Variants in DNAAF1 observed in about 807,000 individuals in gnomAD.
DNAAF1 encodes the protein dynein axonemal assembly factor 1, also known as dynein assembly factor 1, axonemal.
DNAAF1 carries 65 observed loss-of-function variants against 71.1 expected under a neutral mutation model. The ratio of observed to expected loss-of-function variants is 0.91; its 90% CI spans 0.75 to 1.12. The LOEUF (loss-of-function observed/expected upper bound fraction) is 1.12, where lower values mean the gene tolerates loss of function less well. DNAAF1 is among the 50% of genes most tolerant of loss of function. The pLI is 0.00. For synonymous variants in DNAAF1, 414 were observed against 354.6 expected (o/e 1.17, Z -1.88); for missense variants, 1,178 against 899.8 (o/e 1.31, Z -3.96).
intron 3 of DNAAF1, among the ~76,000 whole-genome samples, chr16:84,154,251 A>C (rs1429168066): frequency 6.6e-6 from 1 of 152,150 alleles, no homozygotes; most frequent in Non-Finnish European, 1.5e-5. Context: ...CTACTGGCAG[A>C]TTTGGTGACT....
chr16:84,156,163 A>C (rs117668498), intron 5 of DNAAF1, among the ~76,000 whole-genome samples: 4,956 of 152,068 alleles, frequency 0.033, 128 homozygotes, highest in Middle Eastern at 0.092. Flanking sequence ...GGGTTTCATC[A>C]TGTTGTCCAG....
At position 84,149,080 on chromosome 16, in the gene DNAAF1, T is replaced by G; in HGVS notation, c.198T>G (p.Gly66=). The change falls in exon 2 of 12, where the codon GGT becomes GGG. Residue 66 remains glycine (G), a synonymous_variant. Transcript: ENST00000378553. ...TSYHSQQKQS[G]DNGSGGHFAH... ...ACCACAGCCAGCAGAAACAGAGTGG[T>G]GATAATGGGTCAGGTGGTCACTTCG... The G allele has an allele frequency of 6.2e-7, 1 of 1,614,100 alleles. No individual in the cohort carries two copies. Among genetic ancestry groups the G allele is most frequent in the Non-Finnish European group, 8.5e-7 (1 of 1,180,032 alleles).
intron 4 of DNAAF1, among the ~76,000 whole-genome samples, chr16:84,155,001 C>T (rs551022783): frequency 2.6e-4 from 39 of 151,672 alleles, no homozygotes; most frequent in Non-Finnish European, 5.3e-4. Flanking sequence ...CTCTGCCTCC[C>T]GGGTTCATGC....
intron 9 of DNAAF1, chr16:84,172,882 G>C: frequency 9.9e-7 from 1 of 1,011,848 alleles, no homozygotes; most frequent in Non-Finnish European, 1.2e-6. Context: ...ATCCCCTTGA[G>C]TGAATGTTTG....
chr16:84,175,740 A>G, intron 10 of DNAAF1, 193 bp from the exon 11 acceptor site: 1 of 655,630 alleles, frequency 1.5e-6, no homozygotes, highest in Non-Finnish European at 2.7e-6. Context: ...AAGGGCATAG[A>G]CATGAGCTGT....
intron 1 of DNAAF1, 96 bp from the exon 2 acceptor site, chr16:84,148,911 A>C: frequency 7.2e-6 from 10 of 1,397,872 alleles, no homozygotes; most frequent in Non-Finnish European, 1.0e-5. Flanking sequence ...CTGGTGTTCT[A>C]TACTAAAAGT....
intron 1 of DNAAF1, among the ~76,000 whole-genome samples, chr16:84,146,395 AC>A (rs1317383373): frequency 1.3e-5 from 2 of 152,016 alleles, no homozygotes; most frequent in East Asian, 3.9e-4. Flanking sequence ...TGATCCCCTC[AC>A]CAAAGTTTGC....
chr16:84,159,713 G>C lies in DNAAF1; in HGVS notation c.780G>C (p.Gln260His), dbSNP rs112051327. ...TGATGGGAAACCCGGTTATCAGACA[G>C]ATTCCTAATTACAGAAGGACAGTCA... ...LNLMGNPVIR[Q>H]IPNYRRTVTV... The change falls in exon 6 of 12, where the codon CAG becomes CAC. Residue 260 changes from glutamine to histidine, a missense_variant. Coordinates refer to ENST00000378553, the MANE Select transcript of DNAAF1 (RefSeq NM_178452.6). The C allele has an allele frequency of 2.2e-3, 3,579 of 1,613,980 alleles. 74 individuals carry two copies. The African/African-American group carries it at 0.042, about 19-fold the overall frequency.
intron 3 of DNAAF1, among the ~76,000 whole-genome samples, chr16:84,153,839 G>A (rs1404751553): frequency 1.3e-5 from 2 of 152,130 alleles, no homozygotes; most frequent in African/African-American, 2.4e-5. Context: ...CATTTTCAAG[G>A]CAGGGTTACC....
At position 84,155,822 on chromosome 16, in the gene DNAAF1, G is replaced by C. The variant is rs1301534642; in HGVS notation, c.741+73G>C. 8 of 1,563,140 alleles carry C rather than the reference G, an allele frequency of 5.1e-6. No homozygotes were observed. The East Asian group carries it at 6.8e-5, about 13-fold the overall frequency. ...TTCTATTATTTTCATCAAATATCAA[G>C]TCCTTTTGTCTTTTCTCTCCTTCCT... On this transcript the variant is annotated intron_variant, in intron 5 of 11. Transcript: ENST00000378553.
At chr16:84,173,186 A>G (rs2088457563) in intron 9 of DNAAF1, 5 of 985,556 alleles carry the variant, frequency 5.1e-6, no homozygotes, top group Non-Finnish European at 6.0e-6. Flanking sequence ...GTGATCGGCC[A>G]GGCATGGTGG....
intron 9 of DNAAF1, 54 bp from the exon 10 acceptor site, chr16:84,174,615 A>G: frequency 1.9e-6 from 3 of 1,613,960 alleles, no homozygotes; most frequent in Non-Finnish European, 2.5e-6. Context: ...GCCTATCAGA[A>G]CGTTGACAGT....
In DNAAF1 at chr16:84,171,266, C is replaced by T. The variant is rs369370274; in HGVS notation, c.1528+910C>T. The stretch of plus-strand genomic sequence containing the variant: ...GCCTGGCCAACATAGTGAGAAGCCC[C>T]CTTCCCCGCAACCCCCAAGCCTCTA... On this transcript the variant is annotated intron_variant, in intron 8 of 11. Coordinates refer to ENST00000378553, the MANE Select transcript of DNAAF1 (RefSeq NM_178452.6). Among the ~76,000 whole-genome samples, 188 of 152,136 alleles carry T rather than the reference C, an allele frequency of 1.2e-3. 5 individuals carry two copies. The South Asian group carries it at 0.036, about 29-fold the overall frequency.
chr16:84,149,893 C>T (rs558912517), intron 2 of DNAAF1, among the ~76,000 whole-genome samples: 6 of 151,270 alleles, frequency 4.0e-5, no homozygotes, highest in East Asian at 3.9e-4. Flanking sequence ...GGTGTGGTGG[C>T]GCATGCCTGT....
At chr16:84,153,625 T>G (rs1389165977) in intron 3 of DNAAF1, among the ~76,000 whole-genome samples, 1 of 152,274 alleles carries the variant, frequency 6.6e-6, no homozygotes. Flanking sequence ...TTAGAATTTT[T>G]TAATAAAAAC....
chr16:84,156,486 G>A (rs1043248945), intron 5 of DNAAF1, among the ~76,000 whole-genome samples: 18 of 152,188 alleles, frequency 1.2e-4, no homozygotes, highest in African/African-American at 3.6e-4. Flanking sequence ...ATCCGGGAGC[G>A]TGTGATGCCT....
chr16:84,170,055 T>C lies in DNAAF1; in HGVS notation c.1227T>C (p.Gly409=). Residue 409 remains glycine, a synonymous_variant, in exon 8 of 12, where the codon GGT becomes GGC. Coordinates refer to ENST00000378553, the MANE Select transcript of DNAAF1 (RefSeq NM_178452.6). ...PPVEAKREDG[G]PEPEGTLPAE... ...TGGAGGCTAAAAGAGAGGATGGAGG[T>C]CCAGAGCCAGAGGGGACCCTCCCAG... The C allele has an allele frequency of 1.2e-6, 2 of 1,613,696 alleles. No individual in the cohort carries two copies. The highest frequency in any genetic ancestry group is 1.7e-6 in the Non-Finnish European group (2 of 1,180,006).
intron 5 of DNAAF1, chr16:84,159,217 C>G: frequency 1.3e-5 from 13 of 1,035,658 alleles, no homozygotes; most frequent in African/African-American, 1.7e-5. Flanking sequence ...CAGAGGTAAG[C>G]GGGCACTCCC....
At chr16:84,145,685 T>C (rs957696411) in intron 1 of DNAAF1, 121 bp downstream of exon 1, 2 of 1,284,784 alleles carry the variant, frequency 1.6e-6, no homozygotes, top group Non-Finnish European at 2.1e-6. Context: ...ATAATAATGG[T>C]AGCAAGCAAC....
Sources: gnomAD v4.1 joint callset for allele counts (sites outside exome capture counted in the v4.1 genomes callset) on GRCh38, gnomAD v4.1.1 for gene constraint, MANE v1.5 for transcripts, NCBI Gene and HGNC (gene_info 2026-07-23, HGNC 2026-07-21) for gene names.